ZRANB3: variants seen among roughly 807,000 people sequenced by gnomAD.
ZRANB3 encodes DNA annealing helicase and endonuclease ZRANB3.
A neutral mutation model predicts 133.8 loss-of-function variants in ZRANB3; 125 were observed. The observed-to-expected ratio is 0.93, with a 90% CI of 0.81 to 1.08. ZRANB3 has a LOEUF of 1.08. Ranked by LOEUF, ZRANB3 falls within the 50% of genes least tolerant of loss-of-function variation. The probability of loss-of-function intolerance (pLI) is 0.00; values close to 1 mark genes in which losing one functional copy is unlikely to be tolerated. For synonymous variants in ZRANB3, 387 were observed against 432.7 expected (o/e 0.89, Z 1.31); for missense variants, 1,229 against 1,275.5 (o/e 0.96, Z 0.56).
chr2:135,216,601 ATTT>A (rs577194391), intron 17 of ZRANB3, among the ~76,000 whole-genome samples: 1 of 140,818 alleles, frequency 7.1e-6, no homozygotes, highest in Non-Finnish European at 1.6e-5. Context: ...CACCTGGCTA[ATTT>A]TTTTTTTTTT....
chr2:135,509,077 C>T (rs1204090486), intron 1 of ZRANB3, among the ~76,000 whole-genome samples: 5 of 151,850 alleles, frequency 3.3e-5, no homozygotes, highest in East Asian at 3.9e-4. Context: ...TTTTAATAAA[C>T]ATTGACCATT....
intron 2 of ZRANB3, among the ~76,000 whole-genome samples, chr2:135,437,641 A>G (rs1689606956): frequency 6.6e-6 from 1 of 152,224 alleles, no homozygotes; most frequent in East Asian, 1.9e-4. Flanking sequence ...TAAAAAATCA[A>G]GAAGAGACTT....
At chr2:135,298,569 C>T (rs764970276) in intron 8 of ZRANB3, among the ~76,000 whole-genome samples, 14 of 152,140 alleles carry the variant, frequency 9.2e-5, no homozygotes, top group South Asian at 2.1e-4. Flanking sequence ...GAGAGCTGGA[C>T]TGCAGTGATT....
intron 6 of ZRANB3, 145 bp from the exon 7 acceptor site, chr2:135,315,675 C>T: frequency 4.6e-6 from 3 of 650,108 alleles, no homozygotes; most frequent in Non-Finnish European, 7.1e-6. Context: ...TTTCAAAAAG[C>T]TCAGCCTGAA....
intron 3 of ZRANB3, among the ~76,000 whole-genome samples, chr2:135,368,911 C>T (rs543677737): frequency 2.0e-5 from 3 of 152,046 alleles, no homozygotes; most frequent in South Asian, 4.2e-4. Context: ...AGCATTTACT[C>T]GTCTTTTCTA....
chr2:135,306,046 G>A (rs997800636), intron 8 of ZRANB3, among the ~76,000 whole-genome samples: 29 of 152,266 alleles, frequency 1.9e-4, no homozygotes, highest in African/African-American at 6.0e-4. Context: ...TGACAACAAT[G>A]TGCCTTGCAG....
At chr2:135,380,911 GC>G (rs1236698068) in intron 3 of ZRANB3, among the ~76,000 whole-genome samples, 9 of 152,154 alleles carry the variant, frequency 5.9e-5, no homozygotes, top group South Asian at 2.1e-4. Flanking sequence ...CCAGTCTACA[GC>G]CCCTAGCATG....
At chr2:135,220,897 C>T in intron 15 of ZRANB3, among the ~76,000 whole-genome samples, 1 of 143,276 alleles carries the variant, frequency 7.0e-6, no homozygotes. Context: ...CACTCTTTTG[C>T]CCAGGCTGGA....
intron 3 of ZRANB3, among the ~76,000 whole-genome samples, chr2:135,371,749 G>C (rs1686189972): frequency 1.3e-5 from 2 of 150,754 alleles, no homozygotes; most frequent in Non-Finnish European, 2.9e-5. Context: ...TTCCTGTCAA[G>C]GGCTGAATGT....
rs190642901 is a variant in ZRANB3 at position 135,367,149 on chromosome 2, G to T, written c.181-13521C>A. Among the ~76,000 whole-genome samples, 432 of 152,302 alleles carry T rather than the reference G, an allele frequency of 2.8e-3. 1 individual carries two copies. The highest frequency in any genetic ancestry group is 9.4e-3 in the African/African-American group (391 of 41,558). ...ATATGTGCTAATTACCTTGATATTT[G>T]CAAGTTGGTGCTCAGAATTCATACT... On this transcript the variant is annotated intron_variant, in intron 3 of 20. Coordinates refer to ENST00000264159, the MANE Select transcript of ZRANB3 (RefSeq NM_032143.4).
At chr2:135,237,365 T>C (rs1185899768) in intron 12 of ZRANB3, among the ~76,000 whole-genome samples, 1 of 151,906 alleles carries the variant, frequency 6.6e-6, no homozygotes, top group African/African-American at 2.4e-5. Context: ...AGTTCAACCA[T>C]TGTGGAAGTC....
At chr2:135,398,917 G>C (rs1359107728) in intron 2 of ZRANB3, among the ~76,000 whole-genome samples, 2 of 152,128 alleles carry the variant, frequency 1.3e-5, no homozygotes, top group African/African-American at 4.8e-5. Context: ...TTTTCCCTAA[G>C]TGATGACAAC....
At chr2:135,360,935 G>A (rs1187086208) in intron 3 of ZRANB3, among the ~76,000 whole-genome samples, 1 of 88,458 alleles carries the variant, frequency 1.1e-5, no homozygotes, top group Non-Finnish European at 1.8e-5. Context: ...CCTGTTTTTG[G>A]TTTGTTTGTT....
intron 8 of ZRANB3, among the ~76,000 whole-genome samples, chr2:135,296,366 G>T (rs571951012): frequency 6.6e-6 from 1 of 152,040 alleles, no homozygotes; most frequent in Non-Finnish European, 1.5e-5. Flanking sequence ...CCAATTGATC[G>T]CATCGGCTAC....
chr2:135,286,563 G>A (rs563812338), intron 8 of ZRANB3, among the ~76,000 whole-genome samples: 16 of 152,178 alleles, frequency 1.1e-4, no homozygotes, highest in Non-Finnish European at 2.1e-4. Flanking sequence ...ACAGGCGTGA[G>A]CCACTGCACT....
intron 2 of ZRANB3, among the ~76,000 whole-genome samples, chr2:135,493,647 A>T (rs770128925): frequency 3.3e-5 from 5 of 152,206 alleles, no homozygotes; most frequent in Non-Finnish European, 7.4e-5. Context: ...AATGCCTAAA[A>T]TAAAAAAGGC....
chr2:135,421,781 C>G (rs1688853761), intron 2 of ZRANB3, among the ~76,000 whole-genome samples: 1 of 151,872 alleles, frequency 6.6e-6, no homozygotes. Context: ...TCTTTTGCAA[C>G]ATCTTTGTGG....
intron 2 of ZRANB3, among the ~76,000 whole-genome samples, chr2:135,418,195 A>G (rs1688675061): frequency 6.6e-6 from 1 of 152,222 alleles, no homozygotes; most frequent in Non-Finnish European, 1.5e-5. Context: ...TAGCATTTAC[A>G]TTGTATTAAG....
chr2:135,453,627 G>A (rs553537197), intron 2 of ZRANB3, among the ~76,000 whole-genome samples: 2 of 152,116 alleles, frequency 1.3e-5, no homozygotes, highest in Admixed American at 6.6e-5. Flanking sequence ...CAGTCTCTTC[G>A]CTAAAACATA....
Sources: gnomAD v4.1 joint callset for allele counts (sites outside exome capture counted in the v4.1 genomes callset) on GRCh38, gnomAD v4.1.1 for gene constraint, MANE v1.5 for transcripts, NCBI Gene and HGNC (gene_info 2026-07-23, HGNC 2026-07-21) for gene names.